Variants in AGAP1 observed in about 807,000 individuals in gnomAD.
AGAP1 encodes arf-GAP with GTPase, ANK repeat and PH domain-containing protein 1.
A neutral mutation model predicts 105.3 loss-of-function variants in AGAP1; 29 were observed. The ratio of observed to expected loss-of-function variants is 0.28; its 90% confidence interval spans 0.21 to 0.38. AGAP1 has a LOEUF of 0.38. Among genes scored for constraint, AGAP1 ranks in the 10% least tolerant of loss-of-function variants. AGAP1 has a pLI of 1.00. For synonymous variants in AGAP1, 509 were observed against 485.9 expected (o/e 1.05, Z -0.63); for missense variants, 998 against 1,165.1 (o/e 0.86, Z 2.09).
In AGAP1 at chr2:235,753,074, C is replaced by T. The variant is rs935411816; in HGVS notation, c.673+2586C>T. Among the ~76,000 whole-genome samples the T allele has an allele frequency of 6.6e-6, 1 of 152,146 alleles. No individual in the cohort carries two copies. The highest frequency in any genetic ancestry group is 2.4e-5 in the African/African-American group (1 of 41,430). On this transcript the variant is annotated intron_variant, in intron 6 of 17. Coordinates refer to ENST00000304032, the MANE Select transcript of AGAP1 (RefSeq NM_001037131.3). The surrounding 1 kb of genome is among the most constrained non-coding windows in gnomAD (Gnocchi z 4.5). ...TCCACCCTTGTGATCAGTCACCTGG[C>T]AGAGGCCCCACCTCTTATTCCCCTG...
At chr2:235,722,100 G>A (rs1436276087) in intron 3 of AGAP1, among the ~76,000 whole-genome samples, 1 of 152,216 alleles carries the variant, frequency 6.6e-6, no homozygotes, top group African/African-American at 2.4e-5. Flanking sequence ...TTTCATGAAA[G>A]CCATCAAAGA....
intron 13 of AGAP1, among the ~76,000 whole-genome samples, chr2:235,980,044 G>A (rs529396969): frequency 3.3e-5 from 5 of 152,256 alleles, no homozygotes; most frequent in South Asian, 4.2e-4. Flanking sequence ...CCTGCGATTC[G>A]TACCGCTTGA....
intron 2 of AGAP1, among the ~76,000 whole-genome samples, chr2:235,710,743 G>A (rs1950813082): frequency 6.6e-6 from 1 of 152,182 alleles, no homozygotes; most frequent in Admixed American, 6.5e-5. Context: ...TGGCAATGCT[G>A]TTACCAGGAG....
In AGAP1 at chr2:236,119,666, A is replaced by G. The variant is rs1182234340; in HGVS notation, c.2115-526A>G. Among the ~76,000 whole-genome samples the G allele has an allele frequency of 1.3e-5, 2 of 148,692 alleles. No homozygotes were observed. The highest frequency in any genetic ancestry group is 2.5e-5 in the African/African-American group (1 of 40,132). On this transcript the variant is annotated intron_variant, in intron 16 of 17. Transcript: ENST00000304032. This position sits in a 1 kb window ranked among gnomAD's most constrained non-coding sequence, Gnocchi z 6.6. Reference sequence around the variant, plus strand: ...AAAGCAACTCTCGGCCCCAGAGACCATGCTTCCATCGTGCGGTCCGTGCTC... The same window carrying G: ...AAAGCAACTCTCGGCCCCAGAGACCGTGCTTCCATCGTGCGGTCCGTGCTC...
rs1003894817 is a variant in AGAP1, at chr2:235,501,839, A to G, written c.163+6990A>G. Reference sequence around the variant, plus strand: ...TAGCTTAAGTGATTGAGTCTGGCAAAGCGGATGAGGCTTAGCTATTTTTAA... The same window carrying G: ...TAGCTTAAGTGATTGAGTCTGGCAAGGCGGATGAGGCTTAGCTATTTTTAA... On this transcript the variant is annotated intron_variant, in intron 1 of 17. Transcript: ENST00000304032. Among the ~76,000 whole-genome samples the G allele has an allele frequency of 5.3e-5, 8 of 152,238 alleles. No homozygotes were observed. In the South Asian group the frequency reaches 1.5e-3, roughly 28 times the overall value.
At chr2:235,783,212 C>G in intron 6 of AGAP1, 1 of 366,414 alleles carries the variant, frequency 2.7e-6, no homozygotes, top group Non-Finnish European at 5.5e-6. Flanking sequence ...AAGATACTTT[C>G]CTAAGGTAGT....
intron 1 of AGAP1, among the ~76,000 whole-genome samples, chr2:235,661,021 C>A (rs577653173): frequency 8.2e-4 from 125 of 152,254 alleles, no homozygotes; most frequent in Non-Finnish European, 1.4e-3. Context: ...GTGACAGGGA[C>A]TCACTGAGGG....
chr2:235,703,498 A>T (rs1033336861), intron 1 of AGAP1, among the ~76,000 whole-genome samples: 4 of 151,864 alleles, frequency 2.6e-5, no homozygotes, highest in Non-Finnish European at 5.9e-5. Flanking sequence ...CCTTGGCAGC[A>T]TCTCCTTGGA....
chr2:235,509,046 T>C (rs1205374309), intron 1 of AGAP1, among the ~76,000 whole-genome samples: 1 of 152,198 alleles, frequency 6.6e-6, no homozygotes, highest in East Asian at 1.9e-4. Flanking sequence ...GGGTGTGTGC[T>C]CACCTGCAGC....
intron 1 of AGAP1, among the ~76,000 whole-genome samples, chr2:235,630,156 A>G (rs1251654886): frequency 2.0e-5 from 3 of 152,146 alleles, no homozygotes; most frequent in African/African-American, 7.2e-5. Context: ...GTTTTTTGAA[A>G]ACCCAGGGAG....
rs761909567 is a variant in AGAP1 at position 236,061,740 on chromosome 2, C to T, written c.2114+12459C>T. Among the ~76,000 whole-genome samples, 6 of 151,842 alleles carry T rather than the reference C, an allele frequency of 4.0e-5. No individual in the cohort carries two copies. Among genetic ancestry groups the T allele is most frequent in the Non-Finnish European group, 8.8e-5 (6 of 68,006 alleles). ...ATACGGAGTGATTGCCTAATGAGTA[C>T]GAAACTTCTTTTGGAGACAACGAAA... On this transcript the variant is annotated intron_variant, in intron 16 of 17. Transcript: ENST00000304032. The surrounding 1 kb of genome is among the most constrained non-coding windows in gnomAD (Gnocchi z 4.1).
chr2:235,607,187 C>CG (rs386392960), intron 1 of AGAP1, among the ~76,000 whole-genome samples: 4 of 76,134 alleles, frequency 5.3e-5, no homozygotes, highest in African/African-American at 1.2e-4. Flanking sequence ...AAATCCAGAG[C>CG]CCCCCCTTCC....
rs899092316 is a variant in AGAP1 at position 236,101,586 on chromosome 2, G to A, written c.2115-18606G>A. ...TGGTGTTTAAAGGGCGTCGGTGCAC[G>A]TACAGCGAGGGCTTACATCCACTTT... On this transcript the variant is annotated intron_variant, in intron 16 of 17. Transcript: ENST00000304032. The surrounding 1 kb of genome is among the most constrained non-coding windows in gnomAD (Gnocchi z 4.9). Among the ~76,000 whole-genome samples the A allele has an allele frequency of 3.3e-5, 5 of 152,188 alleles. No individual in the cohort carries two copies. Among genetic ancestry groups the A allele is most frequent in the African/African-American group, 4.8e-5 (2 of 41,450 alleles).
rs139508014 is a variant in AGAP1 at position 236,006,912 on chromosome 2, A to C, written c.1646-29649A>C. Among the ~76,000 whole-genome samples the C allele has an allele frequency of 4.8e-3, 724 of 152,342 alleles. 6 individuals carry two copies. The highest frequency in any genetic ancestry group is 0.017 in the African/African-American group (693 of 41,574). On this transcript the variant is annotated intron_variant, in intron 13 of 17. Coordinates refer to ENST00000304032, the MANE Select transcript of AGAP1 (RefSeq NM_001037131.3). The stretch of plus-strand genomic sequence containing the variant: ...TGATGTATTTAATTTTAAATGAAAG[A>C]AATGAGACACTTTTTATTCCGTTGT...
chr2:235,797,375 G>A (rs139394702), intron 6 of AGAP1, among the ~76,000 whole-genome samples: 32 of 152,140 alleles, frequency 2.1e-4, no homozygotes, highest in African/African-American at 6.7e-4. Context: ...TCCCAGTGTC[G>A]CCTCGTGTTC....
At chr2:235,803,087 T>TGTGGTTGTG (rs1957650074) in intron 8 of AGAP1, among the ~76,000 whole-genome samples, 1 of 41,316 alleles carries the variant, frequency 2.4e-5, no homozygotes, top group Non-Finnish European at 4.4e-5. Flanking sequence ...TGATGATGGT[T>TGTGGTTGTG]GTGGTGATGG....
intron 2 of AGAP1, among the ~76,000 whole-genome samples, chr2:235,710,107 C>T (rs955824382): frequency 5.3e-5 from 8 of 152,162 alleles, no homozygotes; most frequent in African/African-American, 1.7e-4. Context: ...CTGCAGACTC[C>T]GGCATGGGCC....
At chr2:235,861,251 A>G (rs2048917396) in intron 9 of AGAP1, among the ~76,000 whole-genome samples, 1 of 152,196 alleles carries the variant, frequency 6.6e-6, no homozygotes, top group African/African-American at 2.4e-5. Context: ...GATTTGTTCA[A>G]CATCACTTCA....
chr2:235,521,736 A>T (rs13032285), intron 1 of AGAP1, among the ~76,000 whole-genome samples: 37,210 of 142,852 alleles, frequency 0.26, 6,180 homozygotes, highest in African/African-American at 0.49. Flanking sequence ...TTTGTTTGTT[A>T]TATATATGTG....
Sources: gnomAD v4.1 joint callset for allele counts (sites outside exome capture counted in the v4.1 genomes callset) on GRCh38, gnomAD v4.1.1 for gene constraint, Gnocchi (gnomAD v3.1) non-coding constraint, MANE v1.5 for transcripts, NCBI Gene and HGNC (gene_info 2026-07-23, HGNC 2026-07-21) for gene names.